STX2: variants seen among roughly 807,000 people sequenced by gnomAD.
STX2 encodes the protein syntaxin 2, also known as syntaxin-2.
In STX2, 27 loss-of-function variants were observed where a neutral mutation model predicts 40.6. That is an observed-to-expected ratio of 0.66 (90% CI 0.49 to 0.92). STX2 has a LOEUF of 0.92. Among genes scored for constraint, STX2 ranks in the 40% least tolerant of loss-of-function variants. STX2 has a pLI of 0.00. For synonymous variants in STX2, 123 were observed against 119.1 expected (o/e 1.03, Z -0.22); for missense variants, 328 against 366.1 (o/e 0.90, Z 0.85).
At chr12:130,796,722 T>C (rs895679123) in intron 9 of STX2, among the ~76,000 whole-genome samples, 5 of 152,188 alleles carry the variant, frequency 3.3e-5, no homozygotes, top group Middle Eastern at 3.2e-3. Flanking sequence ...GTTTTCCGCA[T>C]GTACAGAGGT....
At chr12:130,828,962 A>G (rs921339049) in intron 1 of STX2, among the ~76,000 whole-genome samples, 4 of 151,882 alleles carry the variant, frequency 2.6e-5, no homozygotes, top group African/African-American at 9.7e-5. Flanking sequence ...ATAGTTTAAC[A>G]CTCTTCTCCA....
rs193043898 is a variant in STX2, at chr12:130,808,844, A to G, written c.281-140T>C. ...AATGAACAAGTGACCTTCTAAAACA[A>G]TCTACTAAAAAGACAATCCCTCAAT... is the stretch of plus-strand genomic sequence containing the variant. On this transcript the variant is annotated intron_variant, in intron 4 of 10. Transcript: ENST00000392373. 18 of 722,758 alleles carry G rather than the reference A, an allele frequency of 2.5e-5. No homozygotes were observed. In the African/African-American group the frequency reaches 3.1e-4, roughly 12 times the overall value. 44.8% of individuals were successfully genotyped at this position (722,758 alleles called of 1,614,324 possible).
At chr12:130,817,258 T>C (rs1423989388) in intron 3 of STX2, among the ~76,000 whole-genome samples, 1 of 152,116 alleles carries the variant, frequency 6.6e-6, no homozygotes, top group Non-Finnish European at 1.5e-5. Flanking sequence ...TGTCAGAGAA[T>C]AGGACAGTAT....
rs762534107 is a variant in STX2 at position 130,806,963 on chromosome 12, C to CGG, written c.463+17_463+18dup. On this transcript the variant is annotated intron_variant, in intron 6 of 10. Coordinates refer to ENST00000392373, the MANE Select transcript of STX2 (RefSeq NM_194356.4). Reference sequence around the variant, plus strand: ...GAGAAAAACATGATTTTAACAAAGACGGAGTCTCCATTACTCACTTATCTC... The same window carrying CGG: ...GAGAAAAACATGATTTTAACAAAGACGGGGAGTCTCCATTACTCACTTATCTC... 6.2e-7 allele frequency: 1 copy of CGG among 1,602,716 alleles called. No homozygotes were observed. Among genetic ancestry groups the CGG allele is most frequent in the South Asian group, 1.1e-5 (1 of 90,696 alleles).
intron 2 of STX2, 94 bp downstream of exon 2, chr12:130,827,099 A>C: frequency 1.9e-6 from 1 of 522,648 alleles, no homozygotes; most frequent in Admixed American, 3.0e-5. Flanking sequence ...GGAGGGGAGG[A>C]AAGGGAGAGG....
chr12:130,806,884 T>C lies in STX2; in HGVS notation c.463+98A>G, dbSNP rs538015963. The stretch of plus-strand genomic sequence containing the variant: ...TTGGGTTTTACACTATTGGTGAAAA[T>C]AGACATGGATTTCCTTTTCTGAAGT... On this transcript the variant is annotated intron_variant, in intron 6 of 10. Coordinates refer to ENST00000392373, the MANE Select transcript of STX2 (RefSeq NM_194356.4). 128 of 1,146,002 alleles carry C rather than the reference T, an allele frequency of 1.1e-4. No individual in the cohort carries two copies. In the South Asian group the frequency reaches 1.6e-3, roughly 14 times the overall value. 71.0% of individuals were successfully genotyped at this position (1,146,002 alleles called of 1,614,324 possible). A position where few individuals can be genotyped will look rare whatever the true frequency, so the allele number is the denominator to read the frequency against.
intron 9 of STX2, 67 bp from the exon 10 acceptor site, chr12:130,796,187 T>A (rs1593111142): frequency 1.9e-6 from 3 of 1,593,676 alleles, no homozygotes; most frequent in Non-Finnish European, 8.5e-7. Context: ...TTAAAAGACA[T>A]CCTTCATTTA....
At chr12:130,835,010 C>T (rs189269155) in intron 1 of STX2, among the ~76,000 whole-genome samples, 5 of 152,274 alleles carry the variant, frequency 3.3e-5, no homozygotes, top group African/African-American at 9.6e-5. Flanking sequence ...ATTTGCAGGC[C>T]AGGCACGGTG....
At chr12:130,818,551 C>A (rs757042166) in intron 3 of STX2, among the ~76,000 whole-genome samples, 4 of 152,190 alleles carry the variant, frequency 2.6e-5, no homozygotes, top group Non-Finnish European at 5.9e-5. Flanking sequence ...CACAGAGGCG[C>A]GGCTTCCTCC....
rs1385234320 is a variant in STX2, at chr12:130,811,219, G to T, written c.280+1738C>A. Reference sequence around the variant, plus strand: ...CTAAAAATACAAAAATTAGCCAGGCGTGGTGGCGGGCGCCTGTAGTCCCAG... The same window carrying T: ...CTAAAAATACAAAAATTAGCCAGGCTTGGTGGCGGGCGCCTGTAGTCCCAG... On this transcript the variant is annotated intron_variant, in intron 4 of 10. Transcript: ENST00000392373. 6.6e-5 allele frequency among the ~76,000 whole-genome samples: 10 copies of T among 152,000 alleles called. No homozygotes were observed. In the East Asian group the frequency reaches 2.0e-3, roughly 30 times the overall value.
At chr12:130,813,918 C>T (rs926806688) in intron 3 of STX2, among the ~76,000 whole-genome samples, 17 of 152,302 alleles carry the variant, frequency 1.1e-4, no homozygotes, top group African/African-American at 2.9e-4. Flanking sequence ...CAATCTCACA[C>T]GCATCAGCCG....
Position 130,790,990 on chromosome 12 carries a change from C to T in STX2, c.*1033G>A, listed in dbSNP as rs554427796. The T allele has an allele frequency of 6.6e-6, 1 of 152,650 alleles. No individual in the cohort carries two copies. Among genetic ancestry groups the T allele is most frequent in the South Asian group, 2.1e-4 (1 of 4,816 alleles). The allele number at this position is 152,650 out of a possible 1,614,324, so 9.5% of individuals were successfully genotyped here. A position where few individuals can be genotyped will look rare whatever the true frequency, so the allele number is the denominator to read the frequency against. On this transcript the variant is annotated 3_prime_UTR_variant, in exon 11 of 11. Transcript: ENST00000392373. The stretch of plus-strand genomic sequence containing the variant: ...ACTTTAAACAACTGTACAAAGGTGG[C>T]TCCAACACCATGAAGCTTCCTATTT...
At chr12:130,822,908 T>A (rs911730750) in intron 2 of STX2, among the ~76,000 whole-genome samples, 1 of 152,238 alleles carries the variant, frequency 6.6e-6, no homozygotes, top group South Asian at 2.1e-4. Flanking sequence ...CAAGTGTTCT[T>A]AGAAGACAGC....
chr12:130,794,966 C>T (rs900470626), intron 10 of STX2, among the ~76,000 whole-genome samples: 2 of 152,102 alleles, frequency 1.3e-5, no homozygotes, highest in Non-Finnish European at 2.9e-5. Flanking sequence ...TGTAACACAC[C>T]GACAGCATTG....
intron 6 of STX2, among the ~76,000 whole-genome samples, chr12:130,805,957 G>A (rs977139219): frequency 1.3e-5 from 2 of 152,156 alleles, no homozygotes; most frequent in African/African-American, 4.8e-5. Flanking sequence ...CTACAAGTGC[G>A]TCCCAGTTGT....
intron 8 of STX2, among the ~76,000 whole-genome samples, chr12:130,800,272 T>TATAC (rs958727218): frequency 6.6e-6 from 1 of 151,708 alleles, no homozygotes; most frequent in Non-Finnish European, 1.5e-5. Flanking sequence ...GAGTTCAATA[T>TATAC]ATACATACAT....
chr12:130,811,536 CTT>C (rs71088788), intron 4 of STX2, among the ~76,000 whole-genome samples: 1 of 95,556 alleles, frequency 1.0e-5, no homozygotes, highest in East Asian at 2.6e-4. Flanking sequence ...CCATTAACAT[CTT>C]TTTTTTTTTT....
At chr12:130,824,879 T>C (rs1363329951) in intron 2 of STX2, among the ~76,000 whole-genome samples, 1 of 152,126 alleles carries the variant, frequency 6.6e-6, no homozygotes, top group African/African-American at 2.4e-5. Flanking sequence ...GAGCTTAAGT[T>C]AGAACCCAAT....
At chr12:130,801,040 G>T in intron 8 of STX2, 113 bp downstream of exon 8, 2 of 1,242,286 alleles carry the variant, frequency 1.6e-6, no homozygotes, top group Non-Finnish European at 2.2e-6. Context: ...ACCTGAATTT[G>T]GTGGATCCAA....
Sources: gnomAD v4.1 joint callset for allele counts (sites outside exome capture counted in the v4.1 genomes callset) on GRCh38, gnomAD v4.1.1 for gene constraint, MANE v1.5 for transcripts, NCBI Gene and HGNC (gene_info 2026-07-23, HGNC 2026-07-21) for gene names.